The following ANKRD55 variants were observed in gnomAD, a reference collection of about 807,000 sequenced individuals.
ANKRD55 encodes ankyrin repeat domain-containing protein 55.
A neutral mutation model predicts 60.6 loss-of-function variants in ANKRD55; 41 were observed. The ratio of observed to expected loss-of-function variants is 0.68; its 90% CI spans 0.53 to 0.88. ANKRD55 has a LOEUF of 0.88. ANKRD55 is among the 40% of genes least tolerant of loss of function. The probability of loss-of-function intolerance (pLI) is 0.00; values close to 1 mark genes in which losing one functional copy is unlikely to be tolerated. For synonymous variants in ANKRD55, 264 were observed against 290.3 expected (o/e 0.91, Z 0.92); for missense variants, 732 against 767.6 (o/e 0.95, Z 0.55).
At chr5:56,166,342 C>T (rs298653) in intron 5 of ANKRD55, among the ~76,000 whole-genome samples, 12 of 151,580 alleles carry the variant, frequency 7.9e-5, no homozygotes, top group Admixed American at 6.6e-4. Context: ...ACCGCAGCCT[C>T]GAACTCCTGG....
intron 4 of ANKRD55, among the ~76,000 whole-genome samples, chr5:56,171,429 G>A (rs893966749): frequency 2.0e-5 from 3 of 152,134 alleles, no homozygotes; most frequent in Admixed American, 1.3e-4. Flanking sequence ...ACCTGATATG[G>A]CCACATCTCA....
intron 2 of ANKRD55, among the ~76,000 whole-genome samples, chr5:56,223,901 C>A (rs1310657638): frequency 6.6e-5 from 10 of 152,152 alleles, no homozygotes; most frequent in Admixed American, 6.5e-4. Flanking sequence ...GACTTTAACA[C>A]CCCACTGTCA....
intron 2 of ANKRD55, among the ~76,000 whole-genome samples, chr5:56,184,036 A>G (rs1758911781): frequency 6.6e-6 from 1 of 152,146 alleles, no homozygotes; most frequent in Non-Finnish European, 1.5e-5. Flanking sequence ...TCAAAGAGAC[A>G]TTGTGCTCTC....
chr5:56,166,158 T>TTTCTTTCTTTCTTCCTTCCTTCCTTCC lies in ANKRD55; in HGVS notation c.422+4535_422+4536insGGAAGGAAGGAAGGAAGAAAGAAAGAA, dbSNP rs1554040812. ...TCTTTCTTTCTTTCTTTCTTTCTTC[T>TTTCTTTCTTTCTTCCTTCCTTCCTTCC]TTCCTTCCTTCCTTCCTTCCTTCCT... On this transcript the variant is annotated intron_variant, in intron 5 of 11. Transcript: ENST00000341048. Among the ~76,000 whole-genome samples the TTTCTTTCTTTCTTCCTTCCTTCCTTCC allele has an allele frequency of 2.8e-4, 20 of 72,460 alleles. 1 individual carries two copies. The highest frequency in any genetic ancestry group is 4.7e-4 in the Non-Finnish European group (18 of 38,658). 47.5% of individuals were successfully genotyped at this position (72,460 alleles called of 152,430 possible).
At chr5:56,230,741 T>C (rs1384931778) in intron 2 of ANKRD55, among the ~76,000 whole-genome samples, 2 of 152,148 alleles carry the variant, frequency 1.3e-5, no homozygotes, top group African/African-American at 4.8e-5. Flanking sequence ...TTGCTATAAA[T>C]GGTATCCTAG....
At chr5:56,158,365 T>C (rs752909950) in intron 6 of ANKRD55, among the ~76,000 whole-genome samples, 1 of 152,206 alleles carries the variant, frequency 6.6e-6, no homozygotes, top group Non-Finnish European at 1.5e-5. Context: ...CAAGCACATA[T>C]TTACTTTAAA....
At chr5:56,135,722 A>T (rs970482591) in intron 7 of ANKRD55, among the ~76,000 whole-genome samples, 12 of 152,314 alleles carry the variant, frequency 7.9e-5, no homozygotes, top group African/African-American at 2.9e-4. Context: ...CAATAAGACA[A>T]GAACAGGAAA....
intron 7 of ANKRD55, among the ~76,000 whole-genome samples, chr5:56,141,130 G>GTTT (rs33972955): frequency 0.28 from 31,216 of 111,312 alleles, 4,584 homozygotes; most frequent in Middle Eastern, 0.53. Context: ...TGCACACACA[G>GTTT]TTTTTTTTTT....
intron 7 of ANKRD55, 25 bp from the exon 8 acceptor site, chr5:56,127,131 C>A: frequency 6.4e-7 from 1 of 1,574,514 alleles, no homozygotes; most frequent in South Asian, 1.2e-5. Flanking sequence ...CAAAGAAAGC[C>A]CATTATGTAC....
chr5:56,210,506 G>C (rs1455880412), intron 2 of ANKRD55, among the ~76,000 whole-genome samples: 1 of 144,032 alleles, frequency 6.9e-6, no homozygotes, highest in Non-Finnish European at 1.5e-5. Flanking sequence ...AGCTTGCAGT[G>C]AGCCGAGATC....
At chr5:56,179,444 G>T (rs1758810440) in intron 3 of ANKRD55, among the ~76,000 whole-genome samples, 1 of 152,134 alleles carries the variant, frequency 6.6e-6, no homozygotes, top group South Asian at 2.1e-4. Context: ...GGTGGAATCA[G>T]AAAAGAATAA....
chr5:56,123,560 A>T (rs908012134), intron 8 of ANKRD55, among the ~76,000 whole-genome samples: 1 of 152,156 alleles, frequency 6.6e-6, no homozygotes, highest in African/African-American at 2.4e-5. Flanking sequence ...ACGGGTCCCC[A>T]GCAGATTATG....
At position 56,176,275 on chromosome 5, in the gene ANKRD55, C is replaced by T. The variant is rs780207829; in HGVS notation, c.189G>A (p.Thr63=). 3.2e-5 allele frequency: 51 copies of T among 1,614,152 alleles called. No homozygotes were observed. Among genetic ancestry groups the T allele is most frequent in the South Asian group, 9.9e-5 (9 of 91,084 alleles). The change falls in exon 4 of 12, where the codon ACG becomes ACA. Residue 63 remains threonine (T), a synonymous_variant. Coordinates refer to ENST00000341048, the MANE Select transcript of ANKRD55 (RefSeq NM_024669.3). ...GTCCAGAAACCGCATGCATCAAGGG[C>T]GTGCATCCTGGAATGAGACATTTCA... The part of the protein sequence containing the change: ...ILECCDSEGC[T]PLMHAVSGRQ...
chr5:56,100,020 G>T lies in ANKRD55; in HGVS notation c.*163C>A. On this transcript the variant is annotated 3_prime_UTR_variant, in exon 12 of 12. Coordinates refer to ENST00000341048, the MANE Select transcript of ANKRD55 (RefSeq NM_024669.3). ...CCCAAATATTCTAAGTGCTTATTTA[G>T]GGAGTATCTTTATTTGGAATAAAGA... 1.1e-6 allele frequency: 1 copy of T among 901,544 alleles called. No individual in the cohort carries two copies. The highest frequency in any genetic ancestry group is 1.7e-6 in the Non-Finnish European group (1 of 590,638). 55.8% of individuals were successfully genotyped at this position (901,544 alleles called of 1,614,324 possible).
chr5:56,102,076 C>T (rs564953880), intron 11 of ANKRD55, among the ~76,000 whole-genome samples: 26 of 152,086 alleles, frequency 1.7e-4, no homozygotes, highest in Admixed American at 8.5e-4. Flanking sequence ...AGTGTTGGCA[C>T]CTGATGTTCC....
At chr5:56,192,756 G>C (rs896179109) in intron 2 of ANKRD55, 2 of 1,242,288 alleles carry the variant, frequency 1.6e-6, no homozygotes, top group African/African-American at 3.0e-5. Context: ...GCAGATTCTA[G>C]CCAACGTAAA....
chr5:56,181,933 G>C (rs1037632480), intron 3 of ANKRD55, among the ~76,000 whole-genome samples: 2 of 152,030 alleles, frequency 1.3e-5, no homozygotes, highest in African/African-American at 4.8e-5. Context: ...GCTAATATTT[G>C]GTTAAGGATT....
chr5:56,182,051 G>A (rs1162022900), intron 3 of ANKRD55, among the ~76,000 whole-genome samples: 7 of 152,012 alleles, frequency 4.6e-5, no homozygotes, highest in Admixed American at 2.6e-4. Flanking sequence ...TAACTGAAAC[G>A]TGTTTTCTCA....
intron 2 of ANKRD55, among the ~76,000 whole-genome samples, chr5:56,231,268 T>C (rs982461355): frequency 3.3e-5 from 5 of 152,224 alleles, no homozygotes; most frequent in African/African-American, 1.2e-4. Flanking sequence ...GAGGAATTGC[T>C]GTGAATTGCT....
Sources: allele counts gnomAD v4.1 joint callset (sites outside exome capture counted in the v4.1 genomes callset), GRCh38; gene constraint gnomAD v4.1.1; transcripts MANE v1.5; gene names NCBI Gene and HGNC (gene_info 2026-07-23, HGNC 2026-07-21).